Variants in AP3B1 observed in about 807,000 individuals in gnomAD.
AP3B1 encodes AP-3 complex subunit beta-1.
Under a neutral mutation model 132.5 loss-of-function variants are expected in AP3B1, and 61 were observed. That is an observed-to-expected ratio of 0.46 (90% CI 0.37 to 0.57). The LOEUF (loss-of-function observed/expected upper bound fraction) is 0.57, where lower values mean the gene tolerates loss of function less well. Among genes scored for constraint, AP3B1 ranks in the 20% least tolerant of loss-of-function variants. The probability of loss-of-function intolerance (pLI) is 0.00; values close to 1 mark genes in which losing one functional copy is unlikely to be tolerated. For synonymous variants in AP3B1, 388 were observed against 438.3 expected, an observed-to-expected ratio of 0.89 and a Z score of 1.43; for missense variants, 1,120 against 1,289.4, an observed-to-expected ratio of 0.87 and a Z score of 2.01.
rs193159046 is a variant in AP3B1 at position 78,283,375 on chromosome 5, C to T, written c.128+11077G>A. 2.6e-5 allele frequency among the ~76,000 whole-genome samples: 4 copies of T among 152,252 alleles called. No homozygotes were observed. The East Asian group carries it at 7.7e-4, about 29-fold the overall frequency. On this transcript the variant is annotated intron_variant, in intron 1 of 26. Transcript: ENST00000255194. ...CTACGGAAGTAGGAATTAAGTTTCG[C>T]CCTTTCCTTATACCTTAAACACAAT...
chr5:78,239,078 TA>T (rs1368316737), intron 3 of AP3B1, among the ~76,000 whole-genome samples: 1 of 151,978 alleles, frequency 6.6e-6, no homozygotes, highest in East Asian at 1.9e-4. Context: ...TTTTTTATAA[TA>T]AAAAGGTCAA....
chr5:78,271,026 T>C (rs999939196), intron 1 of AP3B1, among the ~76,000 whole-genome samples: 16 of 152,140 alleles, frequency 1.1e-4, no homozygotes, highest in African/African-American at 3.9e-4. Flanking sequence ...CATGAGGTAA[T>C]ATAGGGGAAA....
In AP3B1 at chr5:78,240,860, A is replaced by T; in HGVS notation, c.279+2T>A. On this transcript the variant is annotated splice_donor_variant, in intron 3 of 26. Transcript: ENST00000255194. LOFTEE classifies it high-confidence loss of function. ...CATAAAAATTATAGATCAAAACAGT[A>T]CCTCAATATTTTTACTGGCCACATT... is the stretch of plus-strand genomic sequence containing the variant. 1.3e-6 allele frequency: 2 copies of T among 1,547,016 alleles called. No individual in the cohort carries two copies. Among genetic ancestry groups the T allele is most frequent in the Non-Finnish European group, 1.8e-6 (2 of 1,119,108 alleles).
chr5:78,102,457 T>G (rs1264055974), intron 20 of AP3B1, among the ~76,000 whole-genome samples: 2 of 152,120 alleles, frequency 1.3e-5, no homozygotes, highest in Admixed American at 1.3e-4. Flanking sequence ...TTTCATTCCT[T>G]ATTTAAAAAT....
chr5:78,223,414 T>A (rs967984870), intron 6 of AP3B1, among the ~76,000 whole-genome samples: 1 of 152,090 alleles, frequency 6.6e-6, no homozygotes, highest in Non-Finnish European at 1.5e-5. Flanking sequence ...ACACTGAGCA[T>A]GAAACCACTG....
chr5:78,098,259 A>G (rs1750979806), intron 21 of AP3B1, among the ~76,000 whole-genome samples: 2 of 151,596 alleles, frequency 1.3e-5, no homozygotes, highest in Non-Finnish European at 2.9e-5. Flanking sequence ...TCTGTGAGAA[A>G]CACCCAAGAA....
At chr5:78,081,902 T>TAA (rs5868901) in intron 22 of AP3B1, among the ~76,000 whole-genome samples, 2 of 144,704 alleles carry the variant, frequency 1.4e-5, no homozygotes, top group African/African-American at 2.6e-5. Flanking sequence ...TTCTTTGCAA[T>TAA]AAAAAAAAAA....
intron 17 of AP3B1, among the ~76,000 whole-genome samples, chr5:78,120,325 C>T (rs1408943375): frequency 6.6e-6 from 1 of 152,114 alleles, no homozygotes; most frequent in Non-Finnish European, 1.5e-5. Flanking sequence ...ATGACAGGAC[C>T]AAATTCACAC....
At chr5:78,101,674 G>C (rs1377462961) in intron 20 of AP3B1, among the ~76,000 whole-genome samples, 2 of 152,046 alleles carry the variant, frequency 1.3e-5, no homozygotes, top group Admixed American at 1.3e-4. Context: ...GCTTCCCCCA[G>C]CAGAGATTTG....
intron 13 of AP3B1, among the ~76,000 whole-genome samples, chr5:78,159,080 T>A (rs2112362974): frequency 6.6e-6 from 1 of 152,312 alleles, no homozygotes; most frequent in East Asian, 1.9e-4. Flanking sequence ...TCTGCCCTCA[T>A]CAAACTTACA....
intron 7 of AP3B1, among the ~76,000 whole-genome samples, chr5:78,208,325 A>G (rs1272608636): frequency 6.6e-6 from 1 of 152,160 alleles, no homozygotes; most frequent in African/African-American, 2.4e-5. Context: ...AGCTATATAT[A>G]ACAGAAATAT....
intron 1 of AP3B1, among the ~76,000 whole-genome samples, chr5:78,281,434 CAAAAAAAAAAA>C (rs36002317): frequency 2.9e-5 from 2 of 68,256 alleles, no homozygotes; most frequent in Admixed American, 3.4e-4. Context: ...AACTCTGCCT[CAAAAAAAAAAA>C]AAAAAAAAAA....
intron 20 of AP3B1, 28 bp from the exon 21 acceptor site, chr5:78,101,053 C>T (rs955495559): frequency 1.5e-6 from 2 of 1,342,020 alleles, no homozygotes; most frequent in Non-Finnish European, 2.1e-6. Context: ...TTTCATTTAT[C>T]ACACGTTCTG....
intron 15 of AP3B1, among the ~76,000 whole-genome samples, chr5:78,130,560 T>A (rs1391319526): frequency 6.6e-6 from 1 of 152,102 alleles, no homozygotes; most frequent in African/African-American, 2.4e-5. Flanking sequence ...TACCAACAAT[T>A]GCTATTCACT....
intron 17 of AP3B1, among the ~76,000 whole-genome samples, chr5:78,118,284 A>G (rs923389761): frequency 1.1e-4 from 17 of 152,196 alleles, no homozygotes; most frequent in Non-Finnish European, 1.8e-4. Context: ...TGATTTCTGC[A>G]TTTCCATCTG....
chr5:78,083,125 A>C (rs1750088474), intron 22 of AP3B1, among the ~76,000 whole-genome samples: 1 of 152,144 alleles, frequency 6.6e-6, no homozygotes, highest in South Asian at 2.1e-4. Context: ...CCACGTTGAG[A>C]ACCTATTAAC....
chr5:78,093,520 A>G (rs1164773476), intron 21 of AP3B1, among the ~76,000 whole-genome samples: 1 of 152,192 alleles, frequency 6.6e-6, no homozygotes, highest in Non-Finnish European at 1.5e-5. Context: ...TCTTCTTTTT[A>G]TTTTAAAAAC....
intron 1 of AP3B1, among the ~76,000 whole-genome samples, chr5:78,290,655 A>T (rs1749473114): frequency 6.6e-6 from 1 of 152,170 alleles, no homozygotes; most frequent in Non-Finnish European, 1.5e-5. Context: ...AATATTTTAA[A>T]AAGAAGGAAG....
chr5:78,088,141 C>T (rs1316460332), intron 22 of AP3B1, among the ~76,000 whole-genome samples: 1 of 152,174 alleles, frequency 6.6e-6, no homozygotes. Flanking sequence ...CTAACTGCTT[C>T]ACTATTGATT....
Sources: allele counts gnomAD v4.1 joint callset (sites outside exome capture counted in the v4.1 genomes callset), GRCh38; gene constraint gnomAD v4.1.1; transcripts MANE v1.5; gene names NCBI Gene and HGNC (gene_info 2026-07-23, HGNC 2026-07-21).